Variants in SETD3 observed in about 807,000 individuals in gnomAD.
SETD3 encodes the protein SET domain containing 3, actin N3(tau)-histidine methyltransferase.
Under a neutral mutation model 63.0 loss-of-function variants are expected in SETD3, and 19 were observed. The ratio of observed to expected loss-of-function variants is 0.30; its 90% CI spans 0.21 to 0.44. The LOEUF (loss-of-function observed/expected upper bound fraction) is 0.44. SETD3 is among the 20% of genes least tolerant of loss of function. SETD3 has a pLI of 1.00. For missense variants in SETD3, 587 were observed against 728.5 expected (o/e 0.81, Z 2.24); for synonymous variants, 286 against 264.1 (o/e 1.08, Z -0.80).
intron 6 of SETD3, among the ~76,000 whole-genome samples, chr14:99,433,084 G>C (rs1317896422): frequency 6.6e-6 from 1 of 152,138 alleles, no homozygotes; most frequent in East Asian, 1.9e-4. Context: ...CACGCATCCA[G>C]AAGAAAAAGC....
intron 8 of SETD3, 140 bp downstream of exon 8, chr14:99,412,811 G>A: frequency 3.2e-6 from 2 of 625,840 alleles, no homozygotes; most frequent in Admixed American, 5.6e-5. Context: ...GGGGAGGAGT[G>A]GCCGGTTCGG....
intron 11 of SETD3, among the ~76,000 whole-genome samples, chr14:99,402,882 A>G (rs1891459295): frequency 6.6e-6 from 1 of 152,240 alleles, no homozygotes; most frequent in Non-Finnish European, 1.5e-5. Flanking sequence ...AATTCAAGGA[A>G]TATCATCACC....
At chr14:99,417,007 G>A (rs967207207) in intron 6 of SETD3, among the ~76,000 whole-genome samples, 3 of 151,998 alleles carry the variant, frequency 2.0e-5, no homozygotes, top group African/African-American at 7.3e-5. Flanking sequence ...TTGTTTGTTC[G>A]GCTTCAATAA....
chr14:99,479,355 G>A lies in SETD3; in HGVS notation c.-9+1373C>T, dbSNP rs148483848. 5.8e-3 allele frequency among the ~76,000 whole-genome samples: 887 copies of A among 152,298 alleles called. 6 individuals carry two copies. Among genetic ancestry groups the A allele is most frequent in the African/African-American group, 0.02 (845 of 41,546 alleles). On this transcript the variant is annotated intron_variant, in intron 1 of 12. Transcript: ENST00000331768. ...GGAATTTCACCAAAGTATCAATCAC[G>A]GCAGCCCTTGGGACTAATCCAGTAC...
intron 11 of SETD3, among the ~76,000 whole-genome samples, chr14:99,403,536 T>C (rs776699026): frequency 1.3e-5 from 2 of 151,518 alleles, no homozygotes; most frequent in African/African-American, 2.4e-5. Context: ...ATTTGTAAGA[T>C]ACATTTTAGG....
intron 6 of SETD3, among the ~76,000 whole-genome samples, chr14:99,427,559 G>A (rs550767563): frequency 1.6e-3 from 240 of 152,228 alleles, no homozygotes; most frequent in Admixed American, 4.0e-3. Flanking sequence ...AACGATAAAG[G>A]AGGCCAAGGC....
intron 12 of SETD3, 30 bp from the exon 13 acceptor site, chr14:99,399,155 G>GT (rs761441915): frequency 1.2e-6 from 2 of 1,601,024 alleles, no homozygotes; most frequent in Admixed American, 1.7e-5. Context: ...TTAATTACAA[G>GT]AAGTCTAAAC....
At position 99,432,533 on chromosome 14, in the gene SETD3, C is replaced by T. The variant is rs115850530; in HGVS notation, c.676-18599G>A. 8.4e-3 allele frequency among the ~76,000 whole-genome samples: 1,273 copies of T among 152,334 alleles called. 15 individuals carry two copies. The highest frequency in any genetic ancestry group is 0.029 in the African/African-American group (1,194 of 41,568). ...CAGTTCCATATGCTAATATGGTCCA[C>T]ATAAAGCTCCCATAATTAATGTACT... On this transcript the variant is annotated intron_variant, in intron 6 of 12. Coordinates refer to ENST00000331768, the MANE Select transcript of SETD3 (RefSeq NM_032233.3).
At chr14:99,455,199 T>A (rs1224497407) in intron 6 of SETD3, among the ~76,000 whole-genome samples, 1 of 152,236 alleles carries the variant, frequency 6.6e-6, no homozygotes. Flanking sequence ...CACTCAGGAA[T>A]ACCCGGCCCA....
intron 1 of SETD3, among the ~76,000 whole-genome samples, chr14:99,467,410 A>G (rs967989333): frequency 3.9e-5 from 6 of 152,228 alleles, no homozygotes; most frequent in African/African-American, 1.4e-4. Context: ...AAATCTCCCC[A>G]TGGTTCTGGC....
At chr14:99,426,026 T>C (rs1338251268) in intron 6 of SETD3, among the ~76,000 whole-genome samples, 1 of 152,124 alleles carries the variant, frequency 6.6e-6, no homozygotes, top group Admixed American at 6.5e-5. Flanking sequence ...AAAAAAAACT[T>C]GGTGTGGAAA....
chr14:99,404,425 A>T, intron 10 of SETD3, 115 bp from the exon 11 acceptor site: 1 of 894,414 alleles, frequency 1.1e-6, no homozygotes, highest in Non-Finnish European at 1.8e-6. Flanking sequence ...GCTGAGCTGG[A>T]ATGGGTCATT....
chr14:99,447,344 T>C (rs1894194851), intron 6 of SETD3, among the ~76,000 whole-genome samples: 1 of 152,182 alleles, frequency 6.6e-6, no homozygotes, highest in South Asian at 2.1e-4. Flanking sequence ...TGAAGAACAC[T>C]AAATTCACAG....
chr14:99,415,271 G>A lies in SETD3; in HGVS notation c.676-1337C>T, dbSNP rs1054311309. ...ATTTAAACTGTAGAATTAAACTGTA[G>A]AAAGTTAGTAAGTTCCAATGCTAAA... On this transcript the variant is annotated intron_variant, in intron 6 of 12. Coordinates refer to ENST00000331768, the MANE Select transcript of SETD3 (RefSeq NM_032233.3). 2.6e-5 allele frequency among the ~76,000 whole-genome samples: 4 copies of A among 152,250 alleles called. No individual in the cohort carries two copies. In the South Asian group the frequency reaches 8.3e-4, roughly 32 times the overall value.
chr14:99,453,654 G>A (rs1433283354), intron 6 of SETD3, among the ~76,000 whole-genome samples: 4 of 152,094 alleles, frequency 2.6e-5, no homozygotes, highest in South Asian at 2.1e-4. Context: ...GTGAAGCCCC[G>A]TCTCTACTAA....
chr14:99,454,007 C>T (rs1040222720), intron 6 of SETD3, among the ~76,000 whole-genome samples: 2 of 152,182 alleles, frequency 1.3e-5, no homozygotes, highest in Non-Finnish European at 2.9e-5. Context: ...GCTTTTCACA[C>T]TGGAGCGTGA....
intron 6 of SETD3, among the ~76,000 whole-genome samples, chr14:99,451,658 C>G (rs1441529507): frequency 1.3e-5 from 2 of 152,058 alleles, no homozygotes; most frequent in Non-Finnish European, 2.9e-5. Flanking sequence ...AGGCGTGTGC[C>G]ACCATGCCTA....
intron 6 of SETD3, among the ~76,000 whole-genome samples, chr14:99,432,068 C>T (rs1472256354): frequency 6.6e-6 from 1 of 152,132 alleles, no homozygotes; most frequent in African/African-American, 2.4e-5. Flanking sequence ...CCTCCTCTGA[C>T]CACCCTTAAA....
At chr14:99,482,278 A>G (rs1259760089), upstream of SETD3, among the ~76,000 whole-genome samples, 1 of 152,228 alleles carries the variant, frequency 6.6e-6, no homozygotes, top group Non-Finnish European at 1.5e-5. Flanking sequence ...GTGTATCTCG[A>G]TCTAAATCGC....
Sources: allele counts gnomAD v4.1 joint callset (sites outside exome capture counted in the v4.1 genomes callset), GRCh38; gene constraint gnomAD v4.1.1; transcripts MANE v1.5; gene names NCBI Gene and HGNC (gene_info 2026-07-23, HGNC 2026-07-21).